The following PCDHGA10 variants were observed in gnomAD, a reference collection of about 807,000 sequenced individuals.
PCDHGA10 encodes protocadherin gamma subfamily A, 10.
Under a neutral mutation model 59.5 loss-of-function variants are expected in PCDHGA10, and 42 were observed. The observed-to-expected ratio is 0.71, with a 90% CI of 0.55 to 0.91. The LOEUF (loss-of-function observed/expected upper bound fraction) is 0.91. Among genes scored for constraint, PCDHGA10 ranks in the 40% least tolerant of loss-of-function variants. PCDHGA10 has a pLI of 0.00. For synonymous variants in PCDHGA10, 511 were observed against 517.2 expected (o/e 0.99, Z 0.16); for missense variants, 1,111 against 1,198.2 (o/e 0.93, Z 1.07).
rs544565104 is a variant in PCDHGA10, at chr5:141,489,014, G to A, written c.2437-5793G>A. 2.5e-5 allele frequency: 11 copies of A among 433,976 alleles called. No individual in the cohort carries two copies. The highest frequency in any genetic ancestry group is 1.6e-4 in the Admixed American group (4 of 25,754). The allele number at this position is 433,976 out of a possible 1,614,324, so 26.9% of individuals were successfully genotyped here. On this transcript the variant is annotated intron_variant, in intron 1 of 3. Coordinates refer to ENST00000398610, the MANE Select transcript of PCDHGA10 (RefSeq NM_018913.3). This position sits in a 1 kb window ranked among gnomAD's most constrained non-coding sequence, Gnocchi z 4.5. ...GGTGGGAGATCTGCTCTTCCAGCCC[G>A]CCTCTCCTCCTCCAGCTCCCCAGCT... is the stretch of plus-strand genomic sequence containing the variant.
intron 1 of PCDHGA10, chr5:141,430,984 C>A (rs765063685): frequency 6.2e-7 from 1 of 1,613,648 alleles, no homozygotes; most frequent in South Asian, 1.1e-5. Flanking sequence ...CGCAGCTTTT[C>A]GCCCTGAATC....
At position 141,485,930 on chromosome 5, in the gene PCDHGA10, G is replaced by C; in HGVS notation, c.2437-8877G>C. ...ATCCAGCTACAGGATTAGTGTGTTGGAGAGCGCACCAGCGGGCATGGTGCT... is the reference window on the plus strand; with the variant it reads ...ATCCAGCTACAGGATTAGTGTGTTGCAGAGCGCACCAGCGGGCATGGTGCT... On this transcript the variant is annotated intron_variant, in intron 1 of 3. Coordinates refer to ENST00000398610, the MANE Select transcript of PCDHGA10 (RefSeq NM_018913.3). The surrounding 1 kb of genome is among the most constrained non-coding windows in gnomAD (Gnocchi z 5.7). 6.2e-7 allele frequency: 1 copy of C among 1,614,178 alleles called. No homozygotes were observed. The highest frequency in any genetic ancestry group is 8.5e-7 in the Non-Finnish European group (1 of 1,180,042).
At chr5:141,441,820 G>A in intron 1 of PCDHGA10, 1 of 359,390 alleles carries the variant, frequency 2.8e-6, no homozygotes, top group Non-Finnish European at 5.5e-6. Flanking sequence ...CCCAGCTCTG[G>A]AGCGCAATGG....
Position 141,413,397 on chromosome 5 carries a change from T to A in PCDHGA10, c.222T>A (p.Gly74=). 1 of 1,613,942 alleles carries A rather than the reference T, an allele frequency of 6.2e-7. No homozygotes were observed. The highest frequency in any genetic ancestry group is 8.5e-7 in the Non-Finnish European group (1 of 1,179,910). ...GCGGAGTCCGCATAGTCTCCAGAGG[T>A]AGGACGCAGCTTTTCTCTCTGAACC... ...AERGVRIVSR[G]RTQLFSLNPR... Residue 74 remains glycine (G), a synonymous_variant, in exon 1 of 4, where the codon GGT becomes GGA. Transcript: ENST00000398610.
At chr5:141,421,464 T>C in intron 1 of PCDHGA10, 1 of 1,614,090 alleles carries the variant, frequency 6.2e-7, no homozygotes, top group Non-Finnish European at 8.5e-7. Flanking sequence ...TCGCTGTGAA[T>C]CCGCGAAGCG....
At chr5:141,419,946 T>C in intron 1 of PCDHGA10, 1 of 1,614,086 alleles carries the variant, frequency 6.2e-7, no homozygotes, top group Non-Finnish European at 8.5e-7. Context: ...GTGGTGGCCT[T>C]GGCCTTGATT....
intron 1 of PCDHGA10, among the ~76,000 whole-genome samples, chr5:141,455,082 G>A (rs1323760148): frequency 1.3e-5 from 2 of 151,932 alleles, no homozygotes; most frequent in African/African-American, 2.4e-5. Context: ...AAAGTGCTGG[G>A]ATTACAGGCT....
intron 1 of PCDHGA10, chr5:141,428,120 C>T (rs756805763): frequency 3.7e-6 from 6 of 1,606,528 alleles, no homozygotes; most frequent in East Asian, 4.5e-5. Flanking sequence ...CCATCGAGCC[C>T]GGGCTTTTCA....
intron 3 of PCDHGA10, 120 bp downstream of exon 3, chr5:141,505,601 C>T (rs1171679451): frequency 6.4e-7 from 1 of 1,550,630 alleles, no homozygotes; most frequent in Non-Finnish European, 8.7e-7. Flanking sequence ...GATCTTTCGG[C>T]AGGTCTGAAA....
chr5:141,426,768 G>A (rs2096959269), intron 1 of PCDHGA10: 1 of 456,516 alleles, frequency 2.2e-6, no homozygotes, highest in Non-Finnish European at 4.4e-6. Flanking sequence ...TGCAGATGTA[G>A]GGCCTCACTC....
chr5:141,486,637 G>A lies in PCDHGA10; in HGVS notation c.2437-8170G>A, dbSNP rs761072169. On this transcript the variant is annotated intron_variant, in intron 1 of 3. Transcript: ENST00000398610. The surrounding 1 kb of genome is among the most constrained non-coding windows in gnomAD (Gnocchi z 5.0). ...CTGACCCAGACTCTGGCTTGAATGC[G>A]CTTATCTCCTACTCACTCCTGGAGC... 3.1e-5 allele frequency: 50 copies of A among 1,613,520 alleles called. No individual in the cohort carries two copies. The highest frequency in any genetic ancestry group is 5.0e-5 in the Admixed American group (3 of 60,000).
chr5:141,461,216 T>C (rs1050704259), intron 1 of PCDHGA10, among the ~76,000 whole-genome samples: 2 of 152,168 alleles, frequency 1.3e-5, no homozygotes, highest in African/African-American at 4.8e-5. Flanking sequence ...ATCTCCATAC[T>C]GTTTTCCATA....
rs1311776295 is a variant in PCDHGA10, at chr5:141,487,582, C to G, written c.2437-7225C>G. 1.2e-6 allele frequency: 2 copies of G among 1,614,088 alleles called. No homozygotes were observed. The highest frequency in any genetic ancestry group is 2.7e-5 in the African/African-American group (2 of 74,934). ...TGGCAGGGGAGCCTGTTCGCCCAAG[C>G]TGCCCACCCTCTGATCTTCTCTATG... is the stretch of plus-strand genomic sequence containing the variant. On this transcript the variant is annotated intron_variant, in intron 1 of 3. Transcript: ENST00000398610. The surrounding 1 kb of genome is among the most constrained non-coding windows in gnomAD (Gnocchi z 5.0).
chr5:141,435,073 G>A (rs535689336), intron 1 of PCDHGA10, among the ~76,000 whole-genome samples: 150 of 151,756 alleles, frequency 9.9e-4, no homozygotes, highest in Middle Eastern at 3.4e-3. Flanking sequence ...TGTGTAGACC[G>A]TCTGATAACA....
chr5:141,487,880 G>T lies in PCDHGA10; in HGVS notation c.2437-6927G>T, dbSNP rs1008153773. ...ATTGGTGATCAAGAGCCAGGCTGTTGTGGAAGCATGATGATGGAATGTGGG... is the reference window on the plus strand; with the variant it reads ...ATTGGTGATCAAGAGCCAGGCTGTTTTGGAAGCATGATGATGGAATGTGGG... On this transcript the variant is annotated intron_variant, in intron 1 of 3. Transcript: ENST00000398610. The surrounding 1 kb of genome is among the most constrained non-coding windows in gnomAD (Gnocchi z 5.0). The T allele has an allele frequency of 3.8e-6, 3 of 784,896 alleles. No individual in the cohort carries two copies. Among genetic ancestry groups the T allele is most frequent in the Non-Finnish European group, 6.0e-6 (3 of 497,074 alleles). 48.6% of individuals were successfully genotyped at this position (784,896 alleles called of 1,614,324 possible).
chr5:141,428,381 C>T, intron 1 of PCDHGA10: 1 of 516,406 alleles, frequency 1.9e-6, no homozygotes, highest in Non-Finnish European at 3.6e-6. Context: ...CTGCGATGCT[C>T]TTCCAGCCCC....
At chr5:141,433,235 C>T (rs1307904588) in intron 1 of PCDHGA10, 13 of 1,509,616 alleles carry the variant, frequency 8.6e-6, no homozygotes, top group Non-Finnish European at 1.1e-5. Context: ...GCTCTGTCTC[C>T]CAAGCTGGAA....
Position 141,485,585 on chromosome 5 carries a change from C to G in PCDHGA10, c.2437-9222C>G, listed in dbSNP as rs373987810. The G allele has an allele frequency of 7.4e-6, 12 of 1,612,204 alleles. No individual in the cohort carries two copies. The highest frequency in any genetic ancestry group is 1.0e-5 in the Non-Finnish European group (12 of 1,178,590). On this transcript the variant is annotated intron_variant, in intron 1 of 3. Transcript: ENST00000398610. The surrounding 1 kb of genome is among the most constrained non-coding windows in gnomAD (Gnocchi z 5.7). ...CGCCCCCCGTTTTCCGCGGCAGCAG[C>G]TGGACTTGGAAATTGGGGAGGCAGC...
At chr5:141,469,548 C>A (rs2099204726) in intron 1 of PCDHGA10, among the ~76,000 whole-genome samples, 1 of 152,212 alleles carries the variant, frequency 6.6e-6, no homozygotes, top group East Asian at 1.9e-4. Context: ...GCACTCCAGC[C>A]TGGCGACAGA....
Sources: gnomAD v4.1 joint callset for allele counts (sites outside exome capture counted in the v4.1 genomes callset) on GRCh38, gnomAD v4.1.1 for gene constraint, Gnocchi (gnomAD v3.1) non-coding constraint, MANE v1.5 for transcripts, NCBI Gene and HGNC (gene_info 2026-07-23, HGNC 2026-07-21) for gene names.